The following HAT1 variants were observed in gnomAD, a reference collection of about 807,000 sequenced individuals.
The protein encoded by HAT1 is histone acetyltransferase 1, also known as histone acetyltransferase type B catalytic subunit.
A neutral mutation model predicts 56.6 loss-of-function variants in HAT1; 20 were observed. The observed-to-expected ratio is 0.35, with a 90% CI of 0.25 to 0.51. The LOEUF is 0.51. HAT1 is among the 20% of genes least tolerant of loss of function. The pLI, the probability that HAT1 is intolerant of heterozygous loss-of-function variation, is 0.95. For synonymous variants in HAT1, 146 were observed against 165.5 expected (o/e 0.88, Z 0.91); for missense variants, 408 against 504.3 (o/e 0.81, Z 1.83).
intron 6 of HAT1, 28 bp from the exon 7 acceptor site, chr2:171,966,380 AC>A (rs1231084666): frequency 8.8e-7 from 1 of 1,138,382 alleles, no homozygotes; most frequent in Admixed American, 1.7e-5. Context: ...ACTGTAATTG[AC>A]CTGCTTGGCT....
intron 2 of HAT1, among the ~76,000 whole-genome samples, chr2:171,943,410 C>CAAAAAAAAA (rs377749207): frequency 3.4e-5 from 2 of 58,662 alleles, no homozygotes; most frequent in Non-Finnish European, 5.3e-5. Context: ...GACTCTGTCT[C>CAAAAAAAAA]AAAAAAAAAA....
At chr2:171,955,706 C>T (rs549130535) in intron 4 of HAT1, among the ~76,000 whole-genome samples, 1 of 152,120 alleles carries the variant, frequency 6.6e-6, no homozygotes, top group African/African-American at 2.4e-5. Flanking sequence ...ACACCTGTAT[C>T]ATCTTAGAGA....
At chr2:171,933,745 C>T (rs1212923843) in intron 2 of HAT1, among the ~76,000 whole-genome samples, 1 of 152,078 alleles carries the variant, frequency 6.6e-6, no homozygotes, top group African/African-American at 2.4e-5. Context: ...TGAATTAGTT[C>T]TGTCAAGGTC....
chr2:171,937,048 A>G (rs913444543), intron 2 of HAT1, among the ~76,000 whole-genome samples: 1 of 152,072 alleles, frequency 6.6e-6, no homozygotes, highest in Non-Finnish European at 1.5e-5. Flanking sequence ...TCTGCCTCCC[A>G]GGCTCAAGTG....
chr2:171,966,695 A>G, intron 7 of HAT1, 148 bp from the exon 8 acceptor site: 1 of 624,650 alleles, frequency 1.6e-6, no homozygotes, highest in East Asian at 2.7e-5. Flanking sequence ...ACTAATTTTG[A>G]GTATCTTGAT....
Position 171,976,168 on chromosome 2 carries a change from T to G in HAT1, c.835T>G (p.Ser279Ala). 1 of 1,578,558 alleles carries G rather than the reference T, an allele frequency of 6.3e-7. No individual in the cohort carries two copies. Among genetic ancestry groups the G allele is most frequent in the Non-Finnish European group, 8.6e-7 (1 of 1,160,542 alleles). The change falls in exon 9 of 11, where the codon TCC becomes GCC. Residue 279 changes from serine to alanine, a missense_variant. Coordinates refer to ENST00000264108, the MANE Select transcript of HAT1 (RefSeq NM_003642.4). ...CTTTATTTATTTAGCGGAAGATCCATCCAAAAGCTATGTGAAATTACGAGA... is the reference window on the plus strand; with the variant it reads ...CTTTATTTATTTAGCGGAAGATCCAGCCAAAAGCTATGTGAAATTACGAGA... ...TVLDITAEDP[S>A]KSYVKLRDFV...
rs373496742 is a variant in HAT1 at position 171,941,284 on chromosome 2, C to T, written c.113-5424C>T. On this transcript the variant is annotated intron_variant, in intron 2 of 10. Transcript: ENST00000264108. ...CTGGAGTGCAGTGGCGGGATCTCGG[C>T]TCACTGCAACCTCCACCTCCTGGGT... Among the ~76,000 whole-genome samples the T allele has an allele frequency of 4.6e-4, 70 of 152,182 alleles. No homozygotes were observed. The East Asian group carries it at 8.3e-3, about 18-fold the overall frequency.
intron 9 of HAT1, among the ~76,000 whole-genome samples, chr2:171,977,395 G>A (rs1337349524): frequency 3.4e-5 from 5 of 149,206 alleles, no homozygotes; most frequent in African/African-American, 9.8e-5. Flanking sequence ...CTGGGAGGCG[G>A]AGGTTGCAGT....
chr2:171,965,791 A>G lies in HAT1; in HGVS notation c.494A>G (p.Asp165Gly), dbSNP rs369912305. The G allele has an allele frequency of 6.2e-7, 1 of 1,612,748 alleles. No individual in the cohort carries two copies. The highest frequency in any genetic ancestry group is 1.3e-5 in the African/African-American group (1 of 74,868). Residue 165 changes from aspartate to glycine, a missense_variant, in exon 6 of 11, where the codon GAC (aspartate) becomes GGC (glycine). Transcript: ENST00000264108. ...TTTTCCTGGCTTTTTCCCTAGGCTG[A>G]CATGACATGTAGAGGCTTTCGAGAA... ...ENFTFQIYKA[D>G]MTCRGFREYH...
At position 171,965,820 on chromosome 2, in the gene HAT1, C is replaced by T; in HGVS notation, c.523C>T (p.His175Tyr). ...DMTCRGFREYHERLQTFLMWF... is the reference protein window; with the variant it reads ...DMTCRGFREYYERLQTFLMWF... Reference sequence around the variant, plus strand: ...GACATGTAGAGGCTTTCGAGAATATCATGAAAGGCTTCAGACCTTTTTGAT... The same window carrying T: ...GACATGTAGAGGCTTTCGAGAATATTATGAAAGGCTTCAGACCTTTTTGAT... The change falls in exon 6 of 11, where the codon CAT (histidine) becomes TAT (tyrosine). Residue 175 changes from histidine to tyrosine, a missense_variant. Physicochemically the swap from His to Tyr is moderately conservative, Grantham distance 83. Coordinates refer to ENST00000264108, the MANE Select transcript of HAT1 (RefSeq NM_003642.4). 1 of 1,612,934 alleles carries T rather than the reference C, an allele frequency of 6.2e-7. No homozygotes were observed. Among genetic ancestry groups the T allele is most frequent in the Non-Finnish European group, 8.5e-7 (1 of 1,179,042 alleles).
In HAT1 at chr2:171,976,125, A is replaced by G. The variant is rs375201986; in HGVS notation, c.824-32A>G. 111 of 1,367,964 alleles carry G rather than the reference A, an allele frequency of 8.1e-5. 1 individual carries two copies. The highest frequency in any genetic ancestry group is 9.6e-5 in the Non-Finnish European group (97 of 1,013,574). The allele number at this position is 1,367,964 out of a possible 1,614,324, so 84.7% of individuals were successfully genotyped here. A position where few individuals can be genotyped will look rare whatever the true frequency, so the allele number is the denominator to read the frequency against. On this transcript the variant is annotated intron_variant, in intron 8 of 10. Coordinates refer to ENST00000264108, the MANE Select transcript of HAT1 (RefSeq NM_003642.4). Reference sequence around the variant, plus strand: ...AAGAAATTATATTGAGTATCAGGGAAATGTTAATATTATTCTGCTTTATTT... The same window carrying G: ...AAGAAATTATATTGAGTATCAGGGAGATGTTAATATTATTCTGCTTTATTT...
chr2:171,922,764 G>A (rs897073624), intron 1 of HAT1: 5 of 394,012 alleles, frequency 1.3e-5, no homozygotes, highest in African/African-American at 1.0e-4. Flanking sequence ...GAAGACGCCA[G>A]GGAAAAGCGT....
At chr2:171,933,244 A>C (rs1686788611) in intron 2 of HAT1, among the ~76,000 whole-genome samples, 1 of 152,002 alleles carries the variant, frequency 6.6e-6, no homozygotes, top group Non-Finnish European at 1.5e-5. Context: ...TTTTTTGTAG[A>C]GATGGAGTCT....
intron 8 of HAT1, among the ~76,000 whole-genome samples, chr2:171,974,207 G>GAAAAAAAAAAAA (rs202160940): frequency 1.4e-5 from 1 of 71,074 alleles, no homozygotes; most frequent in Non-Finnish European, 3.0e-5. Flanking sequence ...AAAAGAAAAA[G>GAAAAAAAAAAAA]AAAAAAAAAA....
chr2:171,930,137 A>G (rs537168324), intron 2 of HAT1, among the ~76,000 whole-genome samples: 13 of 152,108 alleles, frequency 8.5e-5, no homozygotes, highest in African/African-American at 3.1e-4. Flanking sequence ...ACATCTTTTG[A>G]TTTTTGATGC....
intron 2 of HAT1, among the ~76,000 whole-genome samples, chr2:171,929,525 C>T (rs1162390989): frequency 6.6e-6 from 1 of 152,056 alleles, no homozygotes; most frequent in Non-Finnish European, 1.5e-5. Flanking sequence ...CTGGTTCATG[C>T]CTAATATCTT....
intron 2 of HAT1, among the ~76,000 whole-genome samples, chr2:171,944,370 C>G (rs2105317389): frequency 6.6e-6 from 1 of 152,224 alleles, no homozygotes; most frequent in East Asian, 1.9e-4. Context: ...TAACTTCCTC[C>G]TCTATCCTCT....
chr2:171,924,588 A>G (rs1686532302), intron 1 of HAT1: 1 of 152,164 alleles, frequency 6.6e-6, no homozygotes, highest in Admixed American at 6.5e-5. Flanking sequence ...TATTATGTAT[A>G]TTATTGAGTA....
rs568613008 is a variant in HAT1 at position 171,928,241 on chromosome 2, T to C, written c.112+2600T>C. 6.1e-4 allele frequency among the ~76,000 whole-genome samples: 93 copies of C among 152,314 alleles called. 1 individual carries two copies. The highest frequency in any genetic ancestry group is 2.1e-3 in the African/African-American group (86 of 41,570). On this transcript the variant is annotated intron_variant, in intron 2 of 10. Transcript: ENST00000264108. ...GGTGCTAAAGCCAAGATCTAGGTGC[T>C]AGGTGAACACATTGCTGTTAGTATT...
Sources: gnomAD v4.1 joint callset for allele counts (sites outside exome capture counted in the v4.1 genomes callset) on GRCh38, gnomAD v4.1.1 for gene constraint, MANE v1.5 for transcripts, NCBI Gene and HGNC (gene_info 2026-07-23, HGNC 2026-07-21) for gene names.